Variants in FAM89A observed in about 807,000 individuals in gnomAD.
FAM89A encodes the protein family with sequence similarity 89 member A.
A neutral mutation model predicts 7.1 loss-of-function variants in FAM89A; 10 were observed. The ratio of observed to expected loss-of-function variants is 1.40; its 90% CI spans 0.86 to 2.38. FAM89A has a LOEUF of 2.38. Among genes scored for constraint, FAM89A ranks in the 30% most tolerant of loss-of-function variants. FAM89A has a pLI of 0.00. For synonymous variants in FAM89A, 157 were observed against 129.3 expected (o/e 1.21, Z -1.45); for missense variants, 276 against 262.8 (o/e 1.05, Z -0.35).
chr1:231,019,951 T>C lies in FAM89A; in HGVS notation c.467A>G (p.His156Arg), dbSNP rs756312165. 20 of 1,614,178 alleles carry C rather than the reference T, an allele frequency of 1.2e-5. 1 individual carries two copies. In the South Asian group the frequency reaches 2.0e-4, roughly 16 times the overall value. Residue 156 changes from histidine to arginine, a missense_variant, in exon 2 of 2, where the codon CAC (histidine) becomes CGC (arginine). His to Arg is a conservative substitution (Grantham distance 29). Transcript: ENST00000366654. ...AGGAGGGCCTCGGTCCCTCCTGTCG[T>C]GCAGGGAGTTCTGCTCCTGGAAATA... Reference protein sequence around the residue: ...EEYFQEQNSLHDRRDRGPPRD... With the variant: ...EEYFQEQNSLRDRRDRGPPRD...
At chr1:231,023,213 C>T (rs1245555492) in intron 1 of FAM89A, among the ~76,000 whole-genome samples, 1 of 152,222 alleles carries the variant, frequency 6.6e-6, no homozygotes, top group Non-Finnish European at 1.5e-5. Flanking sequence ...TCATCCTTCC[C>T]AACCCCGTGC....
chr1:231,020,614 G>A (rs868775235), intron 1 of FAM89A, among the ~76,000 whole-genome samples: 17 of 152,298 alleles, frequency 1.1e-4, no homozygotes, highest in Middle Eastern at 3.4e-3. Context: ...GCTGGCCAAC[G>A]TGACATCCCC....
intron 1 of FAM89A, 83 bp downstream of exon 1, chr1:231,039,838 C>T (rs1235785062): frequency 1.6e-6 from 2 of 1,246,298 alleles, no homozygotes; most frequent in African/African-American, 1.6e-5. Flanking sequence ...GCGGGGACTT[C>T]CGGACAGAGC....
intron 1 of FAM89A, among the ~76,000 whole-genome samples, chr1:231,024,623 A>G (rs1455961777): frequency 6.6e-6 from 1 of 151,616 alleles, no homozygotes; most frequent in Non-Finnish European, 1.5e-5. Flanking sequence ...TGCCACCTCA[A>G]GCTCCTGGGC....
intron 1 of FAM89A, among the ~76,000 whole-genome samples, chr1:231,023,457 G>A (rs1160230930): frequency 6.6e-6 from 1 of 152,180 alleles, no homozygotes; most frequent in Non-Finnish European, 1.5e-5. Context: ...CTCTTCCGCT[G>A]CCCTCCTTCC....
At chr1:231,038,301 A>G (rs1025331184) in intron 1 of FAM89A, among the ~76,000 whole-genome samples, 1 of 152,204 alleles carries the variant, frequency 6.6e-6, no homozygotes, top group Non-Finnish European at 1.5e-5. Flanking sequence ...CTTCAGTCAC[A>G]CCAGGAGGGA....
At chr1:231,032,225 A>G (rs139435553) in intron 1 of FAM89A, among the ~76,000 whole-genome samples, 8 of 152,344 alleles carry the variant, frequency 5.3e-5, no homozygotes, top group African/African-American at 1.9e-4. Flanking sequence ...TTATATTGCA[A>G]TTCTGCTTTG....
intron 1 of FAM89A, among the ~76,000 whole-genome samples, chr1:231,038,791 T>G (rs1002044463): frequency 1.3e-4 from 20 of 151,918 alleles, no homozygotes; most frequent in South Asian, 4.1e-4. Flanking sequence ...GAAAAAAAAG[T>G]ATGCATACCC....
chr1:231,029,231 TAATCCCA>T (rs1680027685), intron 1 of FAM89A, among the ~76,000 whole-genome samples: 1 of 152,218 alleles, frequency 6.6e-6, no homozygotes, highest in African/African-American at 2.4e-5. Flanking sequence ...CTCACGCCTG[TAATCCCA>T]GCACTTTGGG....
rs554908658 is a variant in FAM89A at position 231,019,763 on chromosome 1, C to T, written c.*100G>A. On this transcript the variant is annotated 3_prime_UTR_variant, in exon 2 of 2. Transcript: ENST00000366654. ...GCGCTCATCCCCTGTGCCCGAGGAC[C>T]GTCCACAACGGAGGTGCTTTCTTGC... 1.2e-4 allele frequency: 161 copies of T among 1,360,708 alleles called. No individual in the cohort carries two copies. The highest frequency in any genetic ancestry group is 1.5e-4 in the Non-Finnish European group (150 of 995,942). 84.3% of individuals were successfully genotyped at this position (1,360,708 alleles called of 1,614,324 possible).
At position 231,034,771 on chromosome 1, in the gene FAM89A, T is replaced by TAAA. The variant is rs1558257188; in HGVS notation, c.291+5149_291+5150insTTT. 1.9e-4 allele frequency among the ~76,000 whole-genome samples: 17 copies of TAAA among 87,890 alleles called. 2 individuals are homozygous for TAAA. Among genetic ancestry groups the TAAA allele is most frequent in the Non-Finnish European group, 2.8e-4 (12 of 42,542 alleles). The allele number at this position is 87,890 out of a possible 152,430, so 57.7% of individuals were successfully genotyped here. ...TGGGCAACAAGATAGAAACTCTGTC[T>TAAA]CAAAAAAAAAAAAAAAAAAAAAAAG... is the stretch of plus-strand genomic sequence containing the variant. On this transcript the variant is annotated intron_variant, in intron 1 of 1. Coordinates refer to ENST00000366654, the MANE Select transcript of FAM89A (RefSeq NM_198552.3).
At chr1:231,038,873 T>G (rs1680201773) in intron 1 of FAM89A, among the ~76,000 whole-genome samples, 1 of 152,264 alleles carries the variant, frequency 6.6e-6, no homozygotes, top group East Asian at 1.9e-4. Context: ...ATTTATTTTT[T>G]GGCAAATTTA....
intron 1 of FAM89A, chr1:231,022,050 G>A (rs963578805): frequency 3.2e-5 from 45 of 1,418,092 alleles, no homozygotes; most frequent in Admixed American, 1.3e-4. Flanking sequence ...CAGAATAGAC[G>A]TCTCATCGTT....
At chr1:231,029,267 C>A (rs1398304206) in intron 1 of FAM89A, among the ~76,000 whole-genome samples, 1 of 152,166 alleles carries the variant, frequency 6.6e-6, no homozygotes, top group Non-Finnish European at 1.5e-5. Context: ...GCAGGAGGAT[C>A]TGCTTGAGCC....
chr1:231,039,060 G>A, intron 1 of FAM89A, among the ~76,000 whole-genome samples: 1 of 152,276 alleles, frequency 6.6e-6, no homozygotes, highest in South Asian at 2.1e-4. Flanking sequence ...ATTTCTTCTT[G>A]CCTGGCCTAC....
At chr1:231,020,157 G>C (rs765604198) in intron 1 of FAM89A, 31 bp from the exon 2 acceptor site, 1 of 1,567,338 alleles carries the variant, frequency 6.4e-7, no homozygotes. Flanking sequence ...GGTAAAAAAC[G>C]AGAAGTCAGC....
chr1:231,021,630 G>A (rs1186807437), intron 1 of FAM89A: 47 of 1,541,572 alleles, frequency 3.0e-5, no homozygotes, highest in South Asian at 2.2e-4. Context: ...AGAAAGCGTC[G>A]AGGTGGAGCA....
intron 1 of FAM89A, among the ~76,000 whole-genome samples, chr1:231,020,831 A>G (rs552927442): frequency 6.6e-6 from 1 of 152,216 alleles, no homozygotes; most frequent in Non-Finnish European, 1.5e-5. Context: ...AACACAGAAC[A>G]TTTATAAAAG....
At chr1:231,023,176 G>A (rs1248207252) in intron 1 of FAM89A, among the ~76,000 whole-genome samples, 2 of 152,170 alleles carry the variant, frequency 1.3e-5, no homozygotes, top group Non-Finnish European at 2.9e-5. Context: ...CATGTTCGGA[G>A]AACCTGGCCC....
Sources: gnomAD v4.1 joint callset for allele counts (sites outside exome capture counted in the v4.1 genomes callset) on GRCh38, gnomAD v4.1.1 for gene constraint, MANE v1.5 for transcripts, NCBI Gene and HGNC (gene_info 2026-07-23, HGNC 2026-07-21) for gene names.